Variants in RPS15 observed in about 807,000 individuals in gnomAD.
The protein encoded by RPS15 is ribosomal protein S15, also known as small ribosomal subunit protein uS19.
Under a neutral mutation model 14.9 loss-of-function variants are expected in RPS15, and 5 were observed. The observed-to-expected ratio is 0.34, with a 90% CI of 0.18 to 0.70. RPS15 has a LOEUF of 0.70. Among genes scored for constraint, RPS15 ranks in the 30% least tolerant of loss-of-function variants. RPS15 has a pLI of 0.65. For synonymous variants in RPS15, 103 were observed against 85.0 expected (o/e 1.21, Z -1.16); for missense variants, 102 against 204.2 (o/e 0.50, Z 3.05).
At chr19:1,439,641 C>G (rs935199168) in intron 2 of RPS15, 1 of 529,762 alleles carries the variant, frequency 1.9e-6, no homozygotes, top group Non-Finnish European at 3.4e-6. Context: ...GCGACCCTCC[C>G]GCCTCAACCT....
Position 1,438,902 on chromosome 19 carries a change from G to T in RPS15, c.89+10G>T. On this transcript the variant is annotated intron_variant, in intron 2 of 3. Coordinates refer to ENST00000592588, the MANE Select transcript of RPS15 (RefSeq NM_001018.5). This position sits in a 1 kb window ranked among gnomAD's most constrained non-coding sequence, Gnocchi z 4.8. ...TGCTGGACATGTCCTAGTAAGGGCG[G>T]CCGCGGGGGTCGCGGGCAGGGGCTG... The T allele has an allele frequency of 1.3e-6, 2 of 1,563,536 alleles. No homozygotes were observed. Among genetic ancestry groups the T allele is most frequent in the Non-Finnish European group, 1.7e-6 (2 of 1,154,530 alleles).
chr19:1,439,926 G>A (rs2083639652), intron 2 of RPS15, 93 bp from the exon 3 acceptor site: 1 of 1,059,660 alleles, frequency 9.4e-7, no homozygotes, highest in Non-Finnish European at 1.4e-6. Flanking sequence ...TCTGTCCCTG[G>A]AGAGAACCAA....
Position 1,440,024 on chromosome 19 carries a change from A to G in RPS15, c.95A>G (p.Gln32Arg). ...LDQLLDMSYE[Q>R]LMQLYSARQR... ...GCCTGGTGCATCCTCCCCAGCGAGC[A>G]GCTGATGCAGCTGTACAGTGCGCGC... Residue 32 changes from glutamine (Q) to arginine (R), a missense_variant, in exon 3 of 4, where the codon CAG (glutamine) becomes CGG (arginine). Gln to Arg is a conservative substitution (Grantham distance 43). Coordinates refer to ENST00000592588, the MANE Select transcript of RPS15 (RefSeq NM_001018.5). 1 of 1,550,504 alleles carries G rather than the reference A, an allele frequency of 6.4e-7. No individual in the cohort carries two copies. Among genetic ancestry groups the G allele is most frequent in the East Asian group, 2.4e-5 (1 of 41,360 alleles).
At position 1,438,532 on chromosome 19, in the gene RPS15, T is replaced by G; in HGVS notation, c.3+104T>G. On this transcript the variant is annotated intron_variant, in intron 1 of 3. Coordinates refer to ENST00000592588, the MANE Select transcript of RPS15 (RefSeq NM_001018.5). This position sits in a 1 kb window ranked among gnomAD's most constrained non-coding sequence, Gnocchi z 4.8. ...GTTCGTCCCCGCGGCTACGGCGGCT[T>G]GCTCCCGACCCTGCAGGCGGCTGGA... The G allele has an allele frequency of 6.3e-7, 1 of 1,599,900 alleles. No individual in the cohort carries two copies. Among genetic ancestry groups the G allele is most frequent in the Non-Finnish European group, 8.5e-7 (1 of 1,173,600 alleles).
At chr19:1,439,611 T>C (rs911950480) in intron 2 of RPS15, 2 of 477,134 alleles carry the variant, frequency 4.2e-6, no homozygotes, top group African/African-American at 3.9e-5. Context: ...TCCAGGTTGG[T>C]CTTGAACTCC....
chr19:1,439,207 C>T (rs1023897499), intron 2 of RPS15: 2 of 352,130 alleles, frequency 5.7e-6, no homozygotes, highest in Non-Finnish European at 5.1e-6. Flanking sequence ...CGGTGGAGGT[C>T]GCTGGGTCCT....
intron 2 of RPS15, chr19:1,439,173 G>A: frequency 4.6e-6 from 2 of 437,020 alleles, no homozygotes; most frequent in East Asian, 4.2e-5. Flanking sequence ...AAGGGGCTGC[G>A]TTAGACTCCT....
chr19:1,438,613 C>G lies in RPS15; in HGVS notation c.3+185C>G. 1 of 1,535,420 alleles carries G rather than the reference C, an allele frequency of 6.5e-7. No homozygotes were observed. The highest frequency in any genetic ancestry group is 8.8e-7 in the Non-Finnish European group (1 of 1,137,600). The stretch of plus-strand genomic sequence containing the variant: ...TCGGGACGACGCGGGGCTGGGAAGG[C>G]CTGTCCGGGCCTTCATGTCCGGGTC... On this transcript the variant is annotated intron_variant, in intron 1 of 3. Transcript: ENST00000592588. This position sits in a 1 kb window ranked among gnomAD's most constrained non-coding sequence, Gnocchi z 4.8.
At position 1,438,457 on chromosome 19, in the gene RPS15, C is replaced by G; in HGVS notation, c.3+29C>G. On this transcript the variant is annotated intron_variant, in intron 1 of 3. Transcript: ENST00000592588. This position sits in a 1 kb window ranked among gnomAD's most constrained non-coding sequence, Gnocchi z 4.8. ...AGTGTTGCGATTTGGCGCGTCTCTG[C>G]CGGGCCTATCCGGCTCCATCCAACC... 6.2e-7 allele frequency: 1 copy of G among 1,613,248 alleles called. No individual in the cohort carries two copies. The highest frequency in any genetic ancestry group is 8.5e-7 in the Non-Finnish European group (1 of 1,179,886).
chr19:1,438,707 TC>T lies in RPS15; in HGVS notation c.4-96del. 1 of 1,533,608 alleles carries T rather than the reference TC, an allele frequency of 6.5e-7. No homozygotes were observed. Among genetic ancestry groups the T allele is most frequent in the Non-Finnish European group, 8.8e-7 (1 of 1,133,850 alleles). On this transcript the variant is annotated intron_variant, in intron 1 of 3. Transcript: ENST00000592588. The surrounding 1 kb of genome is among the most constrained non-coding windows in gnomAD (Gnocchi z 4.8). The stretch of plus-strand genomic sequence containing the variant: ...GCGGTGTGTCCCTGTCGGGCTTCTG[TC>T]CCCGGCGGCGCCGCGCGTCTTCCGC...
At chr19:1,439,793 T>G in intron 2 of RPS15, 2 of 625,810 alleles carry the variant, frequency 3.2e-6, no homozygotes, top group Non-Finnish European at 2.9e-6. Context: ...TCTCTGAATC[T>G]CTGCAGTCAC....
intron 2 of RPS15, 169 bp from the exon 3 acceptor site, chr19:1,439,850 G>T: frequency 1.5e-6 from 1 of 663,674 alleles, no homozygotes. Flanking sequence ...ATCTGGCGGG[G>T]GTGCCAGAGG....
chr19:1,439,806 G>C (rs915156709), intron 2 of RPS15: 5 of 619,262 alleles, frequency 8.1e-6, no homozygotes, highest in Admixed American at 7.4e-5. Context: ...GCAGTCACAC[G>C]GTGGCTCTTG....
Position 1,438,456 on chromosome 19 carries a change from GC to G in RPS15, c.3+30del. The G allele has an allele frequency of 6.2e-7, 1 of 1,613,286 alleles. No individual in the cohort carries two copies. The highest frequency in any genetic ancestry group is 1.1e-5 in the South Asian group (1 of 91,086). ...GAGTGTTGCGATTTGGCGCGTCTCT[GC>G]CGGGCCTATCCGGCTCCATCCAACC... is the stretch of plus-strand genomic sequence containing the variant. On this transcript the variant is annotated intron_variant, in intron 1 of 3. Coordinates refer to ENST00000592588, the MANE Select transcript of RPS15 (RefSeq NM_001018.5). The surrounding 1 kb of genome is among the most constrained non-coding windows in gnomAD (Gnocchi z 4.8).
rs2083626816 is a variant in RPS15, at chr19:1,438,564, G to A, written c.3+136G>A. ...GACCCTGCAGGCGGCTGGATGTTGG[G>A]GCGAGGGGCGGACTTGGTGGGTGTC... On this transcript the variant is annotated intron_variant, in intron 1 of 3. Transcript: ENST00000592588. This position sits in a 1 kb window ranked among gnomAD's most constrained non-coding sequence, Gnocchi z 4.8. The A allele has an allele frequency of 6.4e-7, 1 of 1,566,572 alleles. No individual in the cohort carries two copies. The highest frequency in any genetic ancestry group is 1.4e-5 in the African/African-American group (1 of 73,496).
In RPS15 at chr19:1,439,780, TTC is replaced by T. The variant is rs1198210548; in HGVS notation, c.90-233_90-232del. The T allele has an allele frequency of 1.8e-5, 11 of 614,702 alleles. No individual in the cohort carries two copies. The Admixed American group carries it at 2.4e-4, about 13-fold the overall frequency. The allele number at this position is 614,702 out of a possible 1,614,324, so 38.1% of individuals were successfully genotyped here. A position where few individuals can be genotyped will look rare whatever the true frequency, so the allele number is the denominator to read the frequency against. ...GAGGCTGTGGTCTCCGGGCCGCTTGTTCTCTCTGAATCTCTGCAGTCACACGG... is the reference window on the plus strand; with the variant it reads ...GAGGCTGTGGTCTCCGGGCCGCTTGTTCTCTGAATCTCTGCAGTCACACGG... On this transcript the variant is annotated intron_variant, in intron 2 of 3. Transcript: ENST00000592588.
In RPS15 at chr19:1,438,730, C is replaced by T; in HGVS notation, c.4-77C>T. The T allele has an allele frequency of 6.5e-7, 1 of 1,540,408 alleles. No homozygotes were observed. The highest frequency in any genetic ancestry group is 8.8e-7 in the Non-Finnish European group (1 of 1,139,116). On this transcript the variant is annotated intron_variant, in intron 1 of 3. Coordinates refer to ENST00000592588, the MANE Select transcript of RPS15 (RefSeq NM_001018.5). This position sits in a 1 kb window ranked among gnomAD's most constrained non-coding sequence, Gnocchi z 4.8. ...TGTCCCCGGCGGCGCCGCGCGTCTT[C>T]CGCGGTGTCCTCGGGCCCGGTGGCC... is the stretch of plus-strand genomic sequence containing the variant.
Position 1,438,446 on chromosome 19 carries a change from G to C in RPS15, c.3+18G>C. 2 of 1,613,414 alleles carry C rather than the reference G, an allele frequency of 1.2e-6. No homozygotes were observed. Among genetic ancestry groups the C allele is most frequent in the Non-Finnish European group, 1.7e-6 (2 of 1,179,896 alleles). ...GCAAGATGGTGAGTGTTGCGATTTG[G>C]CGCGTCTCTGCCGGGCCTATCCGGC... On this transcript the variant is annotated intron_variant, in intron 1 of 3. Coordinates refer to ENST00000592588, the MANE Select transcript of RPS15 (RefSeq NM_001018.5). The surrounding 1 kb of genome is among the most constrained non-coding windows in gnomAD (Gnocchi z 4.8).
rs559188506 is a variant in RPS15 at position 1,439,540 on chromosome 19, G to A, written c.90-479G>A. On this transcript the variant is annotated intron_variant, in intron 2 of 3. Transcript: ENST00000592588. ...CTCCCAAAGTGCTGGGATTACAGGC[G>A]TGAACACCGCGCCCGACCTTGATTT... 2.3e-3 allele frequency: 630 copies of A among 274,764 alleles called. 1 individual carries two copies. Among genetic ancestry groups the A allele is most frequent in the African/African-American group, 0.013 (590 of 45,286 alleles). 17.0% of individuals were successfully genotyped at this position (274,764 alleles called of 1,614,324 possible).
Sources: allele counts gnomAD v4.1 joint callset, GRCh38; gene constraint gnomAD v4.1.1; non-coding constraint Gnocchi (gnomAD v3.1); transcripts MANE v1.5; gene names NCBI Gene and HGNC (gene_info 2026-07-23, HGNC 2026-07-21).